TNFSF8: variants seen among roughly 807,000 people sequenced by gnomAD.
TNFSF8 encodes tumor necrosis factor ligand superfamily member 8.
TNFSF8 carries 4 observed loss-of-function variants against 22.0 expected under a neutral mutation model. That is an observed-to-expected ratio of 0.18 (90% CI 0.09 to 0.42). The LOEUF is 0.42. Among genes scored for constraint, TNFSF8 ranks in the 10% least tolerant of loss-of-function variants. The pLI is 1.00. For missense variants in TNFSF8, 233 were observed against 281.8 expected (o/e 0.83, Z 1.24); for synonymous variants, 106 against 112.5 (o/e 0.94, Z 0.37).
chr9:114,906,501 G>A (rs1000198727), intron 2 of TNFSF8, among the ~76,000 whole-genome samples: 3 of 152,344 alleles, frequency 2.0e-5, no homozygotes, highest in Non-Finnish European at 2.9e-5. Context: ...CATCGCCTAA[G>A]TTCAGACAAG....
intron 1 of TNFSF8, among the ~76,000 whole-genome samples, chr9:114,921,388 C>T (rs912233796): frequency 6.6e-6 from 1 of 152,198 alleles, no homozygotes; most frequent in Non-Finnish European, 1.5e-5. Flanking sequence ...GAAACCAAGG[C>T]ACTCATGAGT....
chr9:114,901,680 T>G lies in TNFSF8; in HGVS notation c.*2251A>C, dbSNP rs1447228250. Reference sequence around the variant, plus strand: ...TAGCCTTGAGTCTCAAAGTCTGTTTTGTTTTTTACCACAGACCATTTGGCT... The same window carrying G: ...TAGCCTTGAGTCTCAAAGTCTGTTTGGTTTTTTACCACAGACCATTTGGCT... On this transcript the variant is annotated 3_prime_UTR_variant, in exon 4 of 4. Transcript: ENST00000223795. 11 of 985,328 alleles carry G rather than the reference T, an allele frequency of 1.1e-5. No individual in the cohort carries two copies. Among genetic ancestry groups the G allele is most frequent in the Non-Finnish European group, 1.3e-5 (11 of 829,940 alleles). 61.0% of individuals were successfully genotyped at this position (985,328 alleles called of 1,614,324 possible).
chr9:114,920,373 A>G (rs1827972657), intron 1 of TNFSF8, among the ~76,000 whole-genome samples: 1 of 152,242 alleles, frequency 6.6e-6, no homozygotes, highest in South Asian at 2.1e-4. Flanking sequence ...CAGTTCGGGA[A>G]GTCCTAGAGA....
At position 114,904,052 on chromosome 9, in the gene TNFSF8, A is replaced by G; in HGVS notation, c.584T>C (p.Leu195Pro). The change falls in exon 4 of 4, where the codon CTG becomes CCG. Residue 195 changes from leucine (L) to proline (P), a missense_variant. Physicochemically the swap from Leu to Pro is moderately conservative, Grantham distance 98. Coordinates refer to ENST00000223795, the MANE Select transcript of TNFSF8 (RefSeq NM_001244.4). ...HVYQNLSQFLLDYLQVNTTIS... is the reference protein window; with the variant it reads ...HVYQNLSQFLPDYLQVNTTIS... ...GGTGGTGTTGACCTGCAGGTAATCCAGCAAGAATTGAGAGAGATTCTGGTA... is the reference window on the plus strand; with the variant it reads ...GGTGGTGTTGACCTGCAGGTAATCCGGCAAGAATTGAGAGAGATTCTGGTA... 1.2e-6 allele frequency: 2 copies of G among 1,614,170 alleles called. No individual in the cohort carries two copies. Among genetic ancestry groups the G allele is most frequent in the Non-Finnish European group, 1.7e-6 (2 of 1,179,972 alleles).
rs1267313930 is a variant in TNFSF8, at chr9:114,902,188, G to A, written c.*1743C>T. The A allele has an allele frequency of 1.0e-6, 1 of 985,342 alleles. No homozygotes were observed. Among genetic ancestry groups the A allele is most frequent in the Admixed American group, 6.1e-5 (1 of 16,268 alleles). The allele number at this position is 985,342 out of a possible 1,614,324, so 61.0% of individuals were successfully genotyped here. The stretch of plus-strand genomic sequence containing the variant: ...TGGATATAGCTAGAGAAATCTCATG[G>A]CTACCCCAATCAGGAGAGAGGTTGC... On this transcript the variant is annotated 3_prime_UTR_variant, in exon 4 of 4. Coordinates refer to ENST00000223795, the MANE Select transcript of TNFSF8 (RefSeq NM_001244.4).
chr9:114,912,332 C>T (rs1827861977), intron 2 of TNFSF8, among the ~76,000 whole-genome samples: 1 of 152,150 alleles, frequency 6.6e-6, no homozygotes, highest in Non-Finnish European at 1.5e-5. Context: ...AAACTTAAGC[C>T]AACACATGTT....
intron 4 of TNFSF8, among the ~76,000 whole-genome samples, chr9:114,895,325 G>A (rs924229291): frequency 6.6e-6 from 1 of 152,212 alleles, no homozygotes; most frequent in Non-Finnish European, 1.5e-5. Context: ...CATTTGCAGT[G>A]CAATCAGTGC....
chr9:114,917,572 A>G (rs1204415342), intron 2 of TNFSF8, among the ~76,000 whole-genome samples: 1 of 152,184 alleles, frequency 6.6e-6, no homozygotes, highest in Non-Finnish European at 1.5e-5. Flanking sequence ...GTGAGGAGGA[A>G]GTCTGTTTTC....
intron 2 of TNFSF8, among the ~76,000 whole-genome samples, chr9:114,912,568 T>C (rs573788212): frequency 5.5e-4 from 84 of 152,298 alleles, no homozygotes; most frequent in Admixed American, 8.5e-4. Flanking sequence ...TTTTGTATTT[T>C]TTTTTGAAGA....
chr9:114,912,325 C>T (rs1470896969), intron 2 of TNFSF8, among the ~76,000 whole-genome samples: 2 of 152,202 alleles, frequency 1.3e-5, no homozygotes, highest in East Asian at 3.8e-4. Context: ...AATGTAGAAA[C>T]TTAAGCCAAC....
At chr9:114,911,333 A>G (rs1361544024) in intron 2 of TNFSF8, among the ~76,000 whole-genome samples, 1 of 152,222 alleles carries the variant, frequency 6.6e-6, no homozygotes, top group African/African-American at 2.4e-5. Context: ...TGCATCTGCC[A>G]TGCCCTGGCT....
intron 4 of TNFSF8, among the ~76,000 whole-genome samples, chr9:114,896,104 A>G (rs1335105665): frequency 6.6e-6 from 1 of 152,228 alleles, no homozygotes; most frequent in Non-Finnish European, 1.5e-5. Flanking sequence ...GGGGAAACAG[A>G]GAAACATAAC....
At chr9:114,912,030 T>G (rs1185512926) in intron 2 of TNFSF8, among the ~76,000 whole-genome samples, 1 of 152,214 alleles carries the variant, frequency 6.6e-6, no homozygotes, top group African/African-American at 2.4e-5. Context: ...GGCAGCAATT[T>G]TAGAAAGTTC....
At chr9:114,908,514 G>A (rs533775975) in intron 2 of TNFSF8, among the ~76,000 whole-genome samples, 8 of 152,262 alleles carry the variant, frequency 5.3e-5, no homozygotes, top group Non-Finnish European at 1.0e-4. Flanking sequence ...ACCCCTTATG[G>A]CAGGTGAGCC....
rs575061699 is a variant in TNFSF8, at chr9:114,912,503, C to T, written c.238+5593G>A. 1.7e-3 allele frequency among the ~76,000 whole-genome samples: 252 copies of T among 152,346 alleles called. 1 individual carries two copies. Among genetic ancestry groups the T allele is most frequent in the African/African-American group, 5.7e-3 (237 of 41,586 alleles). On this transcript the variant is annotated intron_variant, in intron 2 of 3. Transcript: ENST00000223795. ...CTCTGGGGTTCAAGCGATTCTCCTG[C>T]CTCAGCCTCTTGAGTAGCTGGGACT...
At chr9:114,909,528 T>C (rs1169465717) in intron 2 of TNFSF8, among the ~76,000 whole-genome samples, 1 of 152,146 alleles carries the variant, frequency 6.6e-6, no homozygotes, top group African/African-American at 2.4e-5. Flanking sequence ...TTAAAAGCAA[T>C]AACAAAAACT....
chr9:114,920,441 T>C (rs2131348203), intron 1 of TNFSF8, among the ~76,000 whole-genome samples: 1 of 152,288 alleles, frequency 6.6e-6, no homozygotes, highest in African/African-American at 2.4e-5. Flanking sequence ...ACTACGTTAG[T>C]CACTAAAAGA....
downstream of TNFSF8, among the ~76,000 whole-genome samples, chr9:114,896,661 TCTCA>T (rs1827657944): frequency 6.6e-6 from 1 of 152,190 alleles, no homozygotes; most frequent in Non-Finnish European, 1.5e-5. Flanking sequence ...CTAAGGTTAA[TCTCA>T]CTATTTCTAA....
chr9:114,901,640 A>G lies in TNFSF8; in HGVS notation c.*2291T>C. 1.0e-6 allele frequency: 1 copy of G among 985,420 alleles called. No individual in the cohort carries two copies. The highest frequency in any genetic ancestry group is 5.2e-4 in the Middle Eastern group (1 of 1,914). 61.0% of individuals were successfully genotyped at this position (985,420 alleles called of 1,614,324 possible). A position where few individuals can be genotyped will look rare whatever the true frequency, so the allele number is the denominator to read the frequency against. Reference sequence around the variant, plus strand: ...TTAGTGTGTGACTCAAATGCCAGCCATTTCCCTGTTTTTTTAGCCTTGAGT... The same window carrying G: ...TTAGTGTGTGACTCAAATGCCAGCCGTTTCCCTGTTTTTTTAGCCTTGAGT... On this transcript the variant is annotated 3_prime_UTR_variant, in exon 4 of 4. Coordinates refer to ENST00000223795, the MANE Select transcript of TNFSF8 (RefSeq NM_001244.4).
Sources: gnomAD v4.1 joint callset for allele counts (sites outside exome capture counted in the v4.1 genomes callset) on GRCh38, gnomAD v4.1.1 for gene constraint, MANE v1.5 for transcripts, NCBI Gene and HGNC (gene_info 2026-07-23, HGNC 2026-07-21) for gene names.